Variants in TDRP observed in about 807,000 individuals in gnomAD.
The protein encoded by TDRP is testis development related protein.
In TDRP, 12 loss-of-function variants were observed where a neutral mutation model predicts 10.5. The ratio of observed to expected loss-of-function variants is 1.15; its 90% CI spans 0.73 to 1.86. The LOEUF (loss-of-function observed/expected upper bound fraction) is 1.86, where lower values mean the gene tolerates loss of function less well. Ranked by LOEUF, TDRP falls within the 40% of genes most tolerant of loss-of-function variation. The pLI, the probability that TDRP is intolerant of heterozygous loss-of-function variation, is 0.00. For missense variants in TDRP, 353 were observed against 229.2 expected (o/e 1.54, Z -3.49); for synonymous variants, 139 against 95.4 (o/e 1.46, Z -2.67).
intron 1 of TDRP, among the ~76,000 whole-genome samples, chr8:535,425 G>T (rs1240277576): frequency 6.6e-6 from 1 of 152,098 alleles, no homozygotes; most frequent in East Asian, 1.9e-4. Flanking sequence ...TGGGGTGAAG[G>T]ATCAGATAAA....
At chr8:495,422 G>T (rs1327503970) in intron 1 of TDRP, among the ~76,000 whole-genome samples, 2 of 152,166 alleles carry the variant, frequency 1.3e-5, no homozygotes, top group African/African-American at 4.8e-5. Context: ...GTAGATTTCT[G>T]AGAAGAAATA....
chr8:517,093 T>C (rs191859772), intron 1 of TDRP, among the ~76,000 whole-genome samples: 7 of 152,300 alleles, frequency 4.6e-5, no homozygotes, highest in Admixed American at 3.3e-4. Flanking sequence ...TGCCTCATTA[T>C]ACTTTCCTCC....
chr8:530,163 G>A (rs1802150736), intron 1 of TDRP, among the ~76,000 whole-genome samples: 1 of 151,864 alleles, frequency 6.6e-6, no homozygotes, highest in African/African-American at 2.4e-5. Flanking sequence ...TTTCAATTCA[G>A]TTATTTCTCA....
At chr8:494,428 T>A in intron 2 of TDRP, 66 bp downstream of exon 2, 2 of 1,507,898 alleles carry the variant, frequency 1.3e-6, no homozygotes, top group East Asian at 2.3e-5. Flanking sequence ...AAATCTTCAT[T>A]TCCACCTCCT....
At chr8:515,786 A>G (rs1280288224) in intron 1 of TDRP, among the ~76,000 whole-genome samples, 1 of 152,220 alleles carries the variant, frequency 6.6e-6, no homozygotes, top group Middle Eastern at 3.2e-3. Flanking sequence ...ATATAATTAA[A>G]TAAGTATGTG....
intron 1 of TDRP, among the ~76,000 whole-genome samples, chr8:524,407 G>C (rs551837921): frequency 6.6e-6 from 1 of 152,040 alleles, no homozygotes; most frequent in Non-Finnish European, 1.5e-5. Flanking sequence ...ACATCCACAA[G>C]AATCAAGATC....
intron 1 of TDRP, among the ~76,000 whole-genome samples, chr8:529,683 C>T (rs1365975117): frequency 6.6e-6 from 1 of 152,158 alleles, no homozygotes; most frequent in East Asian, 1.9e-4. Flanking sequence ...AACACTTGAA[C>T]TGTATCACCC....
At chr8:499,866 G>A (rs1003876938) in intron 1 of TDRP, among the ~76,000 whole-genome samples, 4 of 152,234 alleles carry the variant, frequency 2.6e-5, no homozygotes, top group African/African-American at 9.6e-5. Context: ...ACATTGTCCT[G>A]AGGTGGACAA....
chr8:520,387 A>G (rs944993093), intron 1 of TDRP, among the ~76,000 whole-genome samples: 1 of 152,212 alleles, frequency 6.6e-6, no homozygotes, highest in Non-Finnish European at 1.5e-5. Flanking sequence ...TCCTCTTATT[A>G]TAAGTGGTGC....
chr8:499,456 A>G lies in TDRP; in HGVS notation c.109-4859T>C, dbSNP rs143033929. Reference sequence around the variant, plus strand: ...TGTAGCACCTGGGTGGCTGCTGCACATCCCATCAGATGACCCTGGAGCTGG... The same window carrying G: ...TGTAGCACCTGGGTGGCTGCTGCACGTCCCATCAGATGACCCTGGAGCTGG... On this transcript the variant is annotated intron_variant, in intron 1 of 2. Transcript: ENST00000324079. Among the ~76,000 whole-genome samples, 573 of 152,246 alleles carry G rather than the reference A, an allele frequency of 3.8e-3. 5 individuals are homozygous for G. The highest frequency in any genetic ancestry group is 0.013 in the African/African-American group (547 of 41,524).
intron 1 of TDRP, among the ~76,000 whole-genome samples, chr8:540,793 C>A: frequency 1.6e-5 from 2 of 127,196 alleles, no homozygotes; most frequent in African/African-American, 3.0e-5. Context: ...CTAATATTAT[C>A]TACTTTTTCA....
intron 1 of TDRP, among the ~76,000 whole-genome samples, chr8:538,636 A>C (rs1412578998): frequency 3.3e-5 from 5 of 152,202 alleles, no homozygotes; most frequent in Admixed American, 1.3e-4. Flanking sequence ...GTCCAAATCT[A>C]AACTACCCAA....
intron 1 of TDRP, among the ~76,000 whole-genome samples, chr8:496,407 T>C (rs1338998858): frequency 6.6e-6 from 1 of 152,232 alleles, no homozygotes; most frequent in African/African-American, 2.4e-5. Flanking sequence ...TGCCCAGCAC[T>C]GTGCAATGCA....
upstream of TDRP, among the ~76,000 whole-genome samples, chr8:545,360 C>T (rs1490130323): frequency 7.2e-6 from 1 of 139,360 alleles, no homozygotes; most frequent in Non-Finnish European, 1.6e-5. Context: ...TCCTCTACCC[C>T]CGAGCCCCCA....
At chr8:492,939 G>C (rs535367716) in intron 2 of TDRP, among the ~76,000 whole-genome samples, 195 bp from the exon 3 acceptor site, 3 of 152,294 alleles carry the variant, frequency 2.0e-5, no homozygotes, top group Non-Finnish European at 4.4e-5. Context: ...GTGTGTAAAA[G>C]CCACATTTTA....
chr8:542,602 C>G (rs1447347741), intron 1 of TDRP, among the ~76,000 whole-genome samples: 1 of 152,114 alleles, frequency 6.6e-6, no homozygotes, highest in African/African-American at 2.4e-5. Flanking sequence ...CGGTGGCTCA[C>G]GCCTGTAATC....
chr8:517,249 A>G (rs574751449), intron 1 of TDRP, among the ~76,000 whole-genome samples: 3 of 152,280 alleles, frequency 2.0e-5, no homozygotes, highest in Admixed American at 6.5e-5. Flanking sequence ...TAAAGGAAAT[A>G]AAAATATTTT....
Position 491,527 on chromosome 8 carries a change from C to A in TDRP, c.*872G>T. 2 of 1,324,938 alleles carry A rather than the reference C, an allele frequency of 1.5e-6. No homozygotes were observed. Among genetic ancestry groups the A allele is most frequent in the Non-Finnish European group, 2.0e-6 (2 of 988,516 alleles). The allele number at this position is 1,324,938 out of a possible 1,614,324, so 82.1% of individuals were successfully genotyped here. ...CTAACACCAATCACAATAGGCATCT[C>A]GCTTTGCAAGAACAAACATATGAGC... On this transcript the variant is annotated 3_prime_UTR_variant, in exon 3 of 3. Coordinates refer to ENST00000324079, the MANE Select transcript of TDRP (RefSeq NM_001384899.1).
In TDRP at chr8:492,342, A is replaced by G; in HGVS notation, c.*57T>C. On this transcript the variant is annotated 3_prime_UTR_variant, in exon 3 of 3. Coordinates refer to ENST00000324079, the MANE Select transcript of TDRP (RefSeq NM_001384899.1). ...CTAACGCGGAAAAGACTCAACAACT[A>G]CATGGTATACTCATAAAAGGCCACC... 1 of 1,425,836 alleles carries G rather than the reference A, an allele frequency of 7.0e-7. No homozygotes were observed. The highest frequency in any genetic ancestry group is 9.2e-7 in the Non-Finnish European group (1 of 1,086,202). 88.3% of individuals were successfully genotyped at this position (1,425,836 alleles called of 1,614,324 possible).
Sources: allele counts gnomAD v4.1 joint callset (sites outside exome capture counted in the v4.1 genomes callset), GRCh38; gene constraint gnomAD v4.1.1; transcripts MANE v1.5; gene names NCBI Gene and HGNC (gene_info 2026-07-23, HGNC 2026-07-21).